CCDC93: variants seen among roughly 807,000 people sequenced by gnomAD.
The protein encoded by CCDC93 is coiled-coil domain-containing protein 93.
A neutral mutation model predicts 108.2 loss-of-function variants in CCDC93; 61 were observed. The ratio of observed to expected loss-of-function variants is 0.56; its 90% CI spans 0.46 to 0.70. The LOEUF is 0.70. Ranked by LOEUF, CCDC93 falls within the 30% of genes least tolerant of loss-of-function variation. The pLI is 0.00. For synonymous variants in CCDC93, 276 were observed against 260.4 expected (o/e 1.06, Z -0.58); for missense variants, 685 against 764.2 (o/e 0.90, Z 1.22).
intron 16 of CCDC93, 50 bp from the exon 17 acceptor site, chr2:117,945,632 A>C: frequency 1.3e-6 from 2 of 1,523,226 alleles, no homozygotes; most frequent in East Asian, 2.3e-5. Flanking sequence ...TTCGGGAATA[A>C]GACAGAAGCC....
intron 17 of CCDC93, 64 bp from the exon 18 acceptor site, chr2:117,944,150 T>C: frequency 6.9e-6 from 8 of 1,154,374 alleles, no homozygotes; most frequent in Non-Finnish European, 1.0e-5. Flanking sequence ...AATGGAGTCT[T>C]TGAAAGTTGA....
chr2:118,004,145 T>C (rs1338732462), intron 3 of CCDC93, among the ~76,000 whole-genome samples: 1 of 152,224 alleles, frequency 6.6e-6, no homozygotes. Flanking sequence ...GCAAGTAACT[T>C]GGTCCAGGTC....
At chr2:117,929,193 T>C (rs1678236458) in intron 23 of CCDC93, among the ~76,000 whole-genome samples, 1 of 152,188 alleles carries the variant, frequency 6.6e-6, no homozygotes, top group Non-Finnish European at 1.5e-5. Context: ...CACACCAACA[T>C]GGCACATGTA....
chr2:117,951,044 G>T (rs903507777), intron 13 of CCDC93: 34 of 971,306 alleles, frequency 3.5e-5, no homozygotes, highest in Non-Finnish European at 4.2e-5. Flanking sequence ...ACAAATACTT[G>T]ATTTAGTATT....
intron 23 of CCDC93, among the ~76,000 whole-genome samples, chr2:117,921,463 C>G (rs988891904): frequency 3.3e-5 from 5 of 152,156 alleles, no homozygotes; most frequent in Non-Finnish European, 7.4e-5. Flanking sequence ...ATTCTCTGGG[C>G]AGGGTCACAA....
At chr2:117,965,218 C>G (rs1679522748) in intron 11 of CCDC93, among the ~76,000 whole-genome samples, 1 of 152,028 alleles carries the variant, frequency 6.6e-6, no homozygotes, top group South Asian at 2.1e-4. Flanking sequence ...AGGAACACCC[C>G]CACCCCTTTC....
chr2:118,000,487 C>T (rs1439784129), intron 4 of CCDC93, among the ~76,000 whole-genome samples: 3 of 152,104 alleles, frequency 2.0e-5, no homozygotes, highest in Non-Finnish European at 4.4e-5. Context: ...ACAAAAAGAA[C>T]AAAGAAAAGC....
intron 20 of CCDC93, chr2:117,937,027 A>T: frequency 2.3e-6 from 1 of 432,998 alleles, no homozygotes; most frequent in South Asian, 2.4e-5. Flanking sequence ...CCCAGCTGAG[A>T]GGACACTAAG....
At position 118,009,349 on chromosome 2, in the gene CCDC93, C is replaced by T. The variant is rs989309317; in HGVS notation, c.43-691G>A. The stretch of plus-strand genomic sequence containing the variant: ...TCGTACCACCGTACTCCAGCCTGGA[C>T]GACAGAGCAAGACTCTGTCTCAAAA... On this transcript the variant is annotated intron_variant, in intron 1 of 23. Transcript: ENST00000376300. 8.6e-5 allele frequency among the ~76,000 whole-genome samples: 13 copies of T among 151,816 alleles called. No homozygotes were observed. The South Asian group carries it at 1.0e-3, about 12-fold the overall frequency.
chr2:117,985,946 C>T (rs1423931524), intron 7 of CCDC93, 23 bp downstream of exon 7: 3 of 1,421,322 alleles, frequency 2.1e-6, no homozygotes, highest in Non-Finnish European at 3.0e-6. Flanking sequence ...AAAGAGACAC[C>T]TAGACTGGGT....
chr2:117,931,015 T>G (rs1046351502), intron 23 of CCDC93, 22 bp downstream of exon 23: 26 of 1,486,410 alleles, frequency 1.7e-5, no homozygotes, highest in Non-Finnish European at 2.3e-5. Context: ...AGCCTTAATG[T>G]GCTACCCAGC....
rs1330140315 is a variant in CCDC93, at chr2:117,919,581, C to T, written c.*762G>A. 1.3e-5 allele frequency: 2 copies of T among 152,216 alleles called. No individual in the cohort carries two copies. The highest frequency in any genetic ancestry group is 1.9e-4 in the East Asian group (1 of 5,196). The allele number at this position is 152,216 out of a possible 1,614,324, so 9.4% of individuals were successfully genotyped here. A position where few individuals can be genotyped will look rare whatever the true frequency, so the allele number is the denominator to read the frequency against. ...CAGCCCCTCTGCATGCTGTGACTCACATGAACATTGGGGCAGGGGAAGGTA... is the reference window on the plus strand; with the variant it reads ...CAGCCCCTCTGCATGCTGTGACTCATATGAACATTGGGGCAGGGGAAGGTA... On this transcript the variant is annotated 3_prime_UTR_variant, in exon 24 of 24. Coordinates refer to ENST00000376300, the MANE Select transcript of CCDC93 (RefSeq NM_019044.5).
intron 23 of CCDC93, among the ~76,000 whole-genome samples, chr2:117,922,707 G>C (rs1677912360): frequency 2.0e-5 from 3 of 152,222 alleles, no homozygotes; most frequent in Admixed American, 1.3e-4. Flanking sequence ...TGAGAATTCA[G>C]AACGCAGAAG....
At chr2:117,925,945 G>T (rs1272555145) in intron 23 of CCDC93, among the ~76,000 whole-genome samples, 1 of 152,130 alleles carries the variant, frequency 6.6e-6, no homozygotes, top group African/African-American at 2.4e-5. Context: ...AATCAAACTA[G>T]AACTCAGGAT....
intron 18 of CCDC93, among the ~76,000 whole-genome samples, chr2:117,942,866 T>C (rs1170357588): frequency 6.6e-6 from 1 of 152,174 alleles, no homozygotes; most frequent in African/African-American, 2.4e-5. Flanking sequence ...CCCAAACAGA[T>C]CTCATTAACA....
chr2:117,950,905 TG>T, intron 13 of CCDC93: 2 of 985,446 alleles, frequency 2.0e-6, no homozygotes, highest in Non-Finnish European at 2.4e-6. Flanking sequence ...CTTTCCCATC[TG>T]CAAAAAGGAA....
intron 23 of CCDC93, among the ~76,000 whole-genome samples, chr2:117,924,442 A>G (rs576574785): frequency 1.3e-5 from 2 of 152,274 alleles, no homozygotes; most frequent in Admixed American, 6.5e-5. Context: ...AAAGGACGTG[A>G]TGGAGCTGAA....
chr2:117,938,151 C>T (rs920162608), intron 20 of CCDC93, among the ~76,000 whole-genome samples: 4 of 152,186 alleles, frequency 2.6e-5, no homozygotes, highest in East Asian at 1.9e-4. Context: ...TCATTCTGTC[C>T]GCATTATAAT....
At chr2:117,926,365 C>G (rs1033513843) in intron 23 of CCDC93, among the ~76,000 whole-genome samples, 4 of 152,124 alleles carry the variant, frequency 2.6e-5, no homozygotes, top group African/African-American at 9.7e-5. Context: ...AATTGATAGA[C>G]TGCTAGCAAG....
Sources: gnomAD v4.1 joint callset for allele counts (sites outside exome capture counted in the v4.1 genomes callset) on GRCh38, gnomAD v4.1.1 for gene constraint, MANE v1.5 for transcripts, NCBI Gene and HGNC (gene_info 2026-07-23, HGNC 2026-07-21) for gene names.